Variants in FARP2 observed in about 807,000 individuals in gnomAD.
The protein encoded by FARP2 is FERM, ARH/RhoGEF and pleckstrin domain protein 2, also known as FERM, ARHGEF and pleckstrin domain-containing protein 2.
In FARP2, 111 loss-of-function variants were observed where a neutral mutation model predicts 130.5. The observed-to-expected ratio is 0.85, with a 90% CI of 0.73 to 1.00. The LOEUF (loss-of-function observed/expected upper bound fraction) is 1.00. Among genes scored for constraint, FARP2 ranks in the 50% least tolerant of loss-of-function variants. FARP2 has a pLI of 0.00. For synonymous variants in FARP2, 504 were observed against 516.9 expected (o/e 0.98, Z 0.34); for missense variants, 1,385 against 1,346.3 (o/e 1.03, Z -0.45).
chr2:241,404,798 G>A lies in FARP2; in HGVS notation c.289-1G>A, dbSNP rs768174415. On this transcript the variant is annotated splice_acceptor_variant, in intron 3 of 26. Coordinates refer to ENST00000264042, the MANE Select transcript of FARP2 (RefSeq NM_014808.4). LOFTEE classifies it high-confidence loss of function. ...GATTTCTTCTGTTAACTCTTCTTTAGATTTGGCTTGAACCTATGAAACCCA... is the reference window on the plus strand; with the variant it reads ...GATTTCTTCTGTTAACTCTTCTTTAAATTTGGCTTGAACCTATGAAACCCA... 1 of 1,603,656 alleles carries A rather than the reference G, an allele frequency of 6.2e-7. No homozygotes were observed. The highest frequency in any genetic ancestry group is 1.1e-5 in the South Asian group (1 of 90,714).
In FARP2 at chr2:241,484,345, C is replaced by T. The variant is rs547132861; in HGVS notation, c.2421+14C>T. ...CAAGGCATGCTGGTGAGTGGTCTTGCACCCTGCCTGGGATTTCCACGTGGT... is the reference window on the plus strand; with the variant it reads ...CAAGGCATGCTGGTGAGTGGTCTTGTACCCTGCCTGGGATTTCCACGTGGT... On this transcript the variant is annotated intron_variant, in intron 21 of 26. Coordinates refer to ENST00000264042, the MANE Select transcript of FARP2 (RefSeq NM_014808.4). The T allele has an allele frequency of 1.7e-5, 28 of 1,610,014 alleles. No individual in the cohort carries two copies. The highest frequency in any genetic ancestry group is 6.6e-5 in the South Asian group (6 of 91,002).
intron 3 of FARP2, among the ~76,000 whole-genome samples, chr2:241,404,163 A>G (rs2062269922): frequency 6.6e-6 from 1 of 152,256 alleles, no homozygotes; most frequent in Non-Finnish European, 1.5e-5. Flanking sequence ...TAAAAGGTAT[A>G]AAAGCAACCT....
chr2:241,424,957 C>T (rs1343607545), intron 8 of FARP2, among the ~76,000 whole-genome samples: 1 of 152,138 alleles, frequency 6.6e-6, no homozygotes, highest in Non-Finnish European at 1.5e-5. Context: ...GTCTGAATCC[C>T]AGCACTTTCG....
In FARP2 at chr2:241,442,736, G is replaced by A. The variant is rs1049604222; in HGVS notation, c.1411+1180G>A. The stretch of plus-strand genomic sequence containing the variant: ...GGAATGACGTAAAAGCTATGCCTCC[G>A]GTCTTAGACCTGAGTACTCCAGCCA... On this transcript the variant is annotated intron_variant, in intron 13 of 26. Coordinates refer to ENST00000264042, the MANE Select transcript of FARP2 (RefSeq NM_014808.4). 6 of 335,646 alleles carry A rather than the reference G, an allele frequency of 1.8e-5. No individual in the cohort carries two copies. In the East Asian group the frequency reaches 2.4e-4, roughly 13 times the overall value. The allele number at this position is 335,646 out of a possible 1,614,324, so 20.8% of individuals were successfully genotyped here.
At chr2:241,467,894 A>T (rs1284649782) in intron 17 of FARP2, among the ~76,000 whole-genome samples, 1 of 152,160 alleles carries the variant, frequency 6.6e-6, no homozygotes, top group Non-Finnish European at 1.5e-5. Flanking sequence ...TGCATGTGAT[A>T]TGGGGCCGGT....
chr2:241,452,992 G>A (rs2063705754), intron 13 of FARP2, among the ~76,000 whole-genome samples: 1 of 151,638 alleles, frequency 6.6e-6, no homozygotes, highest in South Asian at 2.1e-4. Flanking sequence ...ACTTTTTAAT[G>A]TATCCACTAA....
chr2:241,468,641 T>C (rs946674161), intron 18 of FARP2, among the ~76,000 whole-genome samples: 5 of 152,260 alleles, frequency 3.3e-5, no homozygotes, highest in African/African-American at 1.2e-4. Context: ...TCTCCACGTC[T>C]GAGCAGTGTA....
intron 2 of FARP2, among the ~76,000 whole-genome samples, chr2:241,386,378 C>T (rs1299323054): frequency 2.0e-5 from 3 of 152,128 alleles, no homozygotes; most frequent in South Asian, 2.1e-4. Flanking sequence ...GGATTACAGG[C>T]GCGAGTCATT....
At chr2:241,483,571 AG>A in intron 20 of FARP2, 38 bp downstream of exon 20, 1 of 1,579,216 alleles carries the variant, frequency 6.3e-7, no homozygotes, top group Non-Finnish European at 8.7e-7. Flanking sequence ...CTTCCCCCCG[AG>A]GGGGATGGGC....
At chr2:241,358,986 A>G (rs867067803) in intron 1 of FARP2, among the ~76,000 whole-genome samples, 6 of 152,320 alleles carry the variant, frequency 3.9e-5, no homozygotes, top group Middle Eastern at 6.8e-3. Flanking sequence ...TTGTTGTGTC[A>G]GTAGGGTAGA....
chr2:241,404,244 T>G (rs2062271701), intron 3 of FARP2, among the ~76,000 whole-genome samples: 1 of 152,232 alleles, frequency 6.6e-6, no homozygotes, highest in Non-Finnish European at 1.5e-5. Flanking sequence ...TGCCTCATTT[T>G]ACTTAATAGA....
intron 4 of FARP2, among the ~76,000 whole-genome samples, chr2:241,406,630 G>T (rs951275451): frequency 7.3e-5 from 11 of 151,708 alleles, no homozygotes; most frequent in East Asian, 3.9e-4. Flanking sequence ...GTTTTTTTGG[G>T]GGGGAGAGGG....
At chr2:241,366,134 TATATACACAC>T (rs2061314008) in intron 1 of FARP2, among the ~76,000 whole-genome samples, 2 of 74,500 alleles carry the variant, frequency 2.7e-5, no homozygotes, top group South Asian at 3.8e-4. Flanking sequence ...TATATATATA[TATATACACAC>T]ACACATATAT....
intron 18 of FARP2, among the ~76,000 whole-genome samples, chr2:241,472,398 A>C (rs747529326): frequency 6.9e-6 from 1 of 144,238 alleles, no homozygotes; most frequent in Non-Finnish European, 1.5e-5. Flanking sequence ...GATCCTGTTC[A>C]GACGGGGATG....
chr2:241,453,255 A>G (rs898008867), intron 13 of FARP2, among the ~76,000 whole-genome samples: 1 of 151,620 alleles, frequency 6.6e-6, no homozygotes, highest in Admixed American at 6.6e-5. Context: ...GCATGAACCC[A>G]GGAAGCAGAG....
intron 2 of FARP2, among the ~76,000 whole-genome samples, chr2:241,399,463 C>T (rs1378225681): frequency 1.3e-5 from 2 of 152,178 alleles, no homozygotes; most frequent in Admixed American, 6.5e-5. Context: ...CGCCGCCACA[C>T]CCGGCTAATT....
intron 18 of FARP2, among the ~76,000 whole-genome samples, chr2:241,474,808 T>C (rs944680542): frequency 9.3e-6 from 1 of 107,544 alleles, no homozygotes; most frequent in Non-Finnish European, 2.1e-5. Context: ...TAATAATAAA[T>C]AAATAAATAA....
In FARP2 at chr2:241,441,576, C is replaced by T. The variant is rs2063385126; in HGVS notation, c.1411+20C>T. 2.5e-6 allele frequency: 4 copies of T among 1,613,714 alleles called. No individual in the cohort carries two copies. Among genetic ancestry groups the T allele is most frequent in the Admixed American group, 1.7e-5 (1 of 60,004 alleles). On this transcript the variant is annotated intron_variant, in intron 13 of 26. Coordinates refer to ENST00000264042, the MANE Select transcript of FARP2 (RefSeq NM_014808.4). ...GTCCAGGTGTCGGGTTTTGTCATGT[C>T]GTGAGCAGCTGTGGTTCTGTCTGTG...
intron 9 of FARP2, chr2:241,432,338 A>G (rs956882871): frequency 7.9e-5 from 12 of 152,426 alleles, no homozygotes; most frequent in African/African-American, 2.9e-4. Flanking sequence ...TGCTGGCTCA[A>G]AACCCCAGGG....
Sources: allele counts gnomAD v4.1 joint callset (sites outside exome capture counted in the v4.1 genomes callset), GRCh38; gene constraint gnomAD v4.1.1; transcripts MANE v1.5; gene names NCBI Gene and HGNC (gene_info 2026-07-23, HGNC 2026-07-21).